Variants in RAB3IL1 observed in about 807,000 individuals in gnomAD.
RAB3IL1 encodes the protein RAB3A interacting protein like 1, also known as guanine nucleotide exchange factor for Rab-3A.
In RAB3IL1, 37 loss-of-function variants were observed where a neutral mutation model predicts 49.2. That is an observed-to-expected ratio of 0.75 (90% CI 0.58 to 0.99). The LOEUF (loss-of-function observed/expected upper bound fraction) is 0.99, where lower values mean the gene tolerates loss of function less well. Among genes scored for constraint, RAB3IL1 ranks in the 50% least tolerant of loss-of-function variants. The probability of loss-of-function intolerance (pLI) is 0.00; values close to 1 mark genes in which losing one functional copy is unlikely to be tolerated. For missense variants in RAB3IL1, 484 were observed against 513.0 expected (o/e 0.94, Z 0.55); for synonymous variants, 193 against 213.9 (o/e 0.90, Z 0.85).
chr11:61,927,180 C>T, the RAB3IL1 span, among the ~76,000 whole-genome samples: 1 of 152,124 alleles, frequency 6.6e-6, no homozygotes, highest in East Asian at 1.9e-4. Context: ...GACCTCCCTC[C>T]ATCTCTCTCT....
chr11:61,945,096 A>AAAGGCAGCT, the RAB3IL1 span, among the ~76,000 whole-genome samples: 4 of 152,166 alleles, frequency 2.6e-5, no homozygotes, highest in South Asian at 2.1e-4. Context: ...TGAGGCAGGG[A>AAAGGCAGCT]AAGGCAGCTA....
the RAB3IL1 span, among the ~76,000 whole-genome samples, chr11:61,927,758 C>T: frequency 6.6e-6 from 1 of 152,026 alleles, no homozygotes. Context: ...GTCTGTAGCA[C>T]CTCCCCCTTT....
chr11:61,904,976 T>C (rs1290045027), intron 5 of RAB3IL1, 94 bp from the exon 6 acceptor site: 7 of 953,970 alleles, frequency 7.3e-6, no homozygotes, highest in Non-Finnish European at 6.3e-6. Flanking sequence ...AGGGAGGACG[T>C]GGGGCAGGCC....
intron 4 of RAB3IL1, among the ~76,000 whole-genome samples, chr11:61,907,045 C>T (rs940115748): frequency 1.3e-5 from 2 of 152,206 alleles, no homozygotes; most frequent in South Asian, 2.1e-4. Context: ...AGAGAGGAAG[C>T]GACTTGCCCA....
Position 61,904,735 on chromosome 11 carries a change from C to T in RAB3IL1, c.786+19G>A, listed in dbSNP as rs775278094. 1.6e-5 allele frequency: 25 copies of T among 1,584,386 alleles called. No homozygotes were observed. The East Asian group carries it at 3.0e-4, about 19-fold the overall frequency. On this transcript the variant is annotated intron_variant, in intron 6 of 9. Coordinates refer to ENST00000394836, the MANE Select transcript of RAB3IL1 (RefSeq NM_013401.4). ...GAGGGGTGTGTCCCCCAGCTGGCCCCGCCCCTGCCATGCCTCACCTCCTGC... is the reference window on the plus strand; with the variant it reads ...GAGGGGTGTGTCCCCCAGCTGGCCCTGCCCCTGCCATGCCTCACCTCCTGC...
rs1938723983 is a variant in RAB3IL1, at chr11:61,898,452, A to G, written c.1067-92T>C. ...CCCCTCCTGTGGCTTTGGACAGAGC[A>G]GCTGGCACAGCACCCTAGGGTCCCC... On this transcript the variant is annotated intron_variant, in intron 9 of 9. Transcript: ENST00000394836. This position sits in a 1 kb window ranked among gnomAD's most constrained non-coding sequence, Gnocchi z 5.1. 9.5e-7 allele frequency: 1 copy of G among 1,053,898 alleles called. No individual in the cohort carries two copies. The highest frequency in any genetic ancestry group is 1.5e-6 in the Non-Finnish European group (1 of 687,152). 65.3% of individuals were successfully genotyped at this position (1,053,898 alleles called of 1,614,324 possible).
At chr11:61,934,441 T>A in the RAB3IL1 span, among the ~76,000 whole-genome samples, 1 of 18,886 alleles carries the variant, frequency 5.3e-5, no homozygotes, top group Non-Finnish European at 1.4e-4. Flanking sequence ...TGTGTGTGTG[T>A]GTGTGTATGT....
chr11:61,922,284 G>C (rs1469863046), upstream of RAB3IL1, among the ~76,000 whole-genome samples: 1 of 152,150 alleles, frequency 6.6e-6, no homozygotes, highest in Non-Finnish European at 1.5e-5. Flanking sequence ...ACTTTAGGAG[G>C]CCGAGGCGAG....
At chr11:61,899,236 G>GGTGGGCCCAGAGGGCAC in intron 9 of RAB3IL1, 78 bp downstream of exon 9, 2 of 1,466,710 alleles carry the variant, frequency 1.4e-6, no homozygotes, top group Non-Finnish European at 1.9e-6. Flanking sequence ...ACTAGGGGCA[G>GGTGGGCCCAGAGGGCAC]GTGGGCCCAG....
chr11:61,918,725 A>G (rs1375540244), upstream of RAB3IL1, among the ~76,000 whole-genome samples: 1 of 152,236 alleles, frequency 6.6e-6, no homozygotes. Flanking sequence ...GCGCACAGCA[A>G]GGTATGGAAT....
chr11:61,917,922 G>A (rs1939781287), upstream of RAB3IL1, among the ~76,000 whole-genome samples: 1 of 152,274 alleles, frequency 6.6e-6, no homozygotes, highest in African/African-American at 2.4e-5. Flanking sequence ...TCCTTCCCTA[G>A]GCTGTCTGCT....
the RAB3IL1 span, among the ~76,000 whole-genome samples, chr11:61,927,375 T>C: frequency 2.2e-4 from 34 of 152,226 alleles, no homozygotes; most frequent in Admixed American, 2.2e-3. Flanking sequence ...CCTATAGCAA[T>C]GCAAAACAGA....
At chr11:61,924,812 G>C (rs560047929), upstream of RAB3IL1, among the ~76,000 whole-genome samples, 12 of 152,298 alleles carry the variant, frequency 7.9e-5, no homozygotes, top group African/African-American at 2.9e-4. Flanking sequence ...GGGCCCAGAT[G>C]GGTGTGGGAG....
chr11:61,920,937 A>C (rs530977596), upstream of RAB3IL1, among the ~76,000 whole-genome samples: 116 of 152,224 alleles, frequency 7.6e-4, 1 homozygote, highest in South Asian at 0.024. Context: ...AAACAAAACA[A>C]ACAAACAAAA....
chr11:61,910,070 C>T (rs139782725), intron 1 of RAB3IL1, among the ~76,000 whole-genome samples: 184 of 152,328 alleles, frequency 1.2e-3, no homozygotes, highest in South Asian at 0.011. Flanking sequence ...GTGGTATTGT[C>T]CCATTCTACA....
chr11:61,932,252 A>C, the RAB3IL1 span, among the ~76,000 whole-genome samples: 2 of 150,358 alleles, frequency 1.3e-5, no homozygotes, highest in Non-Finnish European at 3.0e-5. Context: ...CTCTGTCTCA[A>C]AAAAAAAAAG....
At chr11:61,935,556 C>T in the RAB3IL1 span, among the ~76,000 whole-genome samples, 2 of 151,650 alleles carry the variant, frequency 1.3e-5, no homozygotes, top group African/African-American at 4.9e-5. Flanking sequence ...GTTTTGTCAC[C>T]CAGGCTGGAG....
intron 1 of RAB3IL1, 100 bp from the exon 2 acceptor site, chr11:61,908,406 G>A: frequency 8.0e-7 from 1 of 1,248,636 alleles, no homozygotes; most frequent in Non-Finnish European, 1.0e-6. Flanking sequence ...TGCCACTTGA[G>A]CCTCAGCCTT....
At chr11:61,933,955 A>G in the RAB3IL1 span, among the ~76,000 whole-genome samples, 122 of 152,242 alleles carry the variant, frequency 8.0e-4, 1 homozygote, top group African/African-American at 2.9e-3. Flanking sequence ...AGAAAAAAAA[A>G]GAAAAGAAAA....
Sources: allele counts gnomAD v4.1 joint callset (sites outside exome capture counted in the v4.1 genomes callset), GRCh38; gene constraint gnomAD v4.1.1; non-coding constraint Gnocchi (gnomAD v3.1); transcripts MANE v1.5; gene names NCBI Gene and HGNC (gene_info 2026-07-23, HGNC 2026-07-21).